Variants in TRIM5 observed in about 807,000 individuals in gnomAD.
TRIM5 encodes tripartite motif-containing protein 5.
Under a neutral mutation model 35.6 loss-of-function variants are expected in TRIM5, and 31 were observed. That is an observed-to-expected ratio of 0.87 (90% CI 0.65 to 1.18). The LOEUF is 1.18. Ranked by LOEUF, TRIM5 falls within the 50% of genes most tolerant of loss-of-function variation. The probability of loss-of-function intolerance (pLI) is 0.00; values close to 1 mark genes in which losing one functional copy is unlikely to be tolerated. For synonymous variants in TRIM5, 243 were observed against 215.6 expected (o/e 1.13, Z -1.11); for missense variants, 609 against 591.6 (o/e 1.03, Z -0.31).
At chr11:5,588,958 A>C in the TRIM5 span, 1 of 151,446 alleles carries the variant, frequency 6.6e-6, no homozygotes, top group Non-Finnish European at 1.5e-5. Flanking sequence ...TAATTTTTTT[A>C]TATTTTTAGT....
At chr11:5,660,459 C>T (rs1302735084), downstream of TRIM5, among the ~76,000 whole-genome samples, 6 of 152,080 alleles carry the variant, frequency 3.9e-5, no homozygotes, top group Non-Finnish European at 8.8e-5. Context: ...CTTTCTAGTG[C>T]CTTCAGGTTT....
the TRIM5 span, among the ~76,000 whole-genome samples, chr11:5,646,936 T>A: frequency 1.4e-3 from 211 of 152,340 alleles, 1 homozygote; most frequent in Non-Finnish European, 2.5e-3. Flanking sequence ...TAATGGATTT[T>A]AAAAAAAACA....
At chr11:5,610,385 A>C in the TRIM5 span, 130 of 1,566,764 alleles carry the variant, frequency 8.3e-5, no homozygotes, top group Non-Finnish European at 1.1e-4. Flanking sequence ...GTGCTGAAGA[A>C]GATGCGGTTT....
chr11:5,594,433 C>G, the TRIM5 span, among the ~76,000 whole-genome samples: 1 of 152,064 alleles, frequency 6.6e-6, no homozygotes, highest in East Asian at 1.9e-4. Context: ...TCTCAGCCTC[C>G]CAAGTAATTG....
At chr11:5,614,977 GAT>G in the TRIM5 span, among the ~76,000 whole-genome samples, 3 of 152,006 alleles carry the variant, frequency 2.0e-5, no homozygotes, top group Non-Finnish European at 4.4e-5. Context: ...CACAAATTTT[GAT>G]ATATTCTCCA....
the TRIM5 span, chr11:5,642,535 T>G: frequency 1.2e-6 from 2 of 1,610,378 alleles, no homozygotes; most frequent in African/African-American, 1.3e-5. Context: ...AGACTGTGGA[T>G]GTGGGATTGT....
chr11:5,669,569 T>G (rs1675659746), intron 4 of TRIM5, among the ~76,000 whole-genome samples: 2 of 152,260 alleles, frequency 1.3e-5, no homozygotes, highest in South Asian at 4.1e-4. Flanking sequence ...ATAGTTTTGC[T>G]TTTTGTATTA....
chr11:5,642,935 A>G, the TRIM5 span: 1 of 1,547,748 alleles, frequency 6.5e-7, no homozygotes, highest in South Asian at 1.2e-5. Flanking sequence ...AGCCTCATGC[A>G]TTCTCAGCAC....
chr11:5,634,492 TACACACACACACACACACACACAC>T, the TRIM5 span: 1 of 227,110 alleles, frequency 4.4e-6, no homozygotes, highest in African/African-American at 2.9e-5. Context: ...ATAATATAAA[TACACACACACACACACACACACAC>T]ACACACACAC....
the TRIM5 span, among the ~76,000 whole-genome samples, chr11:5,646,718 G>A: frequency 6.6e-6 from 1 of 152,110 alleles, no homozygotes; most frequent in East Asian, 1.9e-4. Flanking sequence ...TCACCCCACT[G>A]ATGTACTTGA....
chr11:5,672,503 AAAATATTTCTTCCCAT>A (rs1362998671), intron 4 of TRIM5, among the ~76,000 whole-genome samples: 1 of 152,162 alleles, frequency 6.6e-6, no homozygotes, highest in Non-Finnish European at 1.5e-5. Flanking sequence ...GAGCCCCTGC[AAAATATTTCTTCCCAT>A]AAATATTTCT....
the TRIM5 span, among the ~76,000 whole-genome samples, chr11:5,601,873 G>A: frequency 6.6e-6 from 1 of 152,136 alleles, no homozygotes; most frequent in African/African-American, 2.4e-5. Context: ...CCGTTAAGAA[G>A]TGGAAGTGTT....
chr11:5,628,074 G>A, the TRIM5 span, among the ~76,000 whole-genome samples: 2 of 152,216 alleles, frequency 1.3e-5, no homozygotes, highest in Admixed American at 6.5e-5. Flanking sequence ...TGCTGGGCTT[G>A]AGCCACACTG....
In TRIM5 at chr11:5,678,202, A is replaced by C. The variant is rs769807528; in HGVS notation, c.744+2T>G. On this transcript the variant is annotated splice_donor_variant, in intron 4 of 7. Coordinates refer to ENST00000380034, the MANE Select transcript of TRIM5 (RefSeq NM_033034.3). LOFTEE classifies it high-confidence loss of function. ...GTGCTCAGGCTTCTTTCCACTTTTTACCTGAAGCAGCTCCATCACTGACCC... is the reference window on the plus strand; with the variant it reads ...GTGCTCAGGCTTCTTTCCACTTTTTCCCTGAAGCAGCTCCATCACTGACCC... 3 of 1,600,456 alleles carry C rather than the reference A, an allele frequency of 1.9e-6. No homozygotes were observed. The highest frequency in any genetic ancestry group is 2.6e-6 in the Non-Finnish European group (3 of 1,171,010).
chr11:5,649,671 T>C, the TRIM5 span, among the ~76,000 whole-genome samples: 1 of 152,186 alleles, frequency 6.6e-6, no homozygotes, highest in African/African-American at 2.4e-5. Flanking sequence ...TTCTTCCTTT[T>C]GGAACTAAGA....
the TRIM5 span, among the ~76,000 whole-genome samples, chr11:5,631,275 T>C: frequency 3.9e-5 from 6 of 152,302 alleles, no homozygotes; most frequent in East Asian, 9.6e-4. Context: ...TTCTACACTC[T>C]CATAACCCTG....
chr11:5,600,994 A>C, the TRIM5 span, among the ~76,000 whole-genome samples: 1 of 152,210 alleles, frequency 6.6e-6, no homozygotes, highest in Non-Finnish European at 1.5e-5. Flanking sequence ...AACGTAATTT[A>C]TCAACAACTC....
At chr11:5,617,029 G>A in the TRIM5 span, among the ~76,000 whole-genome samples, 3 of 118,272 alleles carry the variant, frequency 2.5e-5, no homozygotes, top group Admixed American at 8.5e-5. Context: ...AAGCCACCAC[G>A]CCCAGCTTTT....
At chr11:5,677,120 A>G (rs1402687011) in intron 4 of TRIM5, among the ~76,000 whole-genome samples, 1 of 152,000 alleles carries the variant, frequency 6.6e-6, no homozygotes. Flanking sequence ...AATTAAACTA[A>G]AGAGCTTCTG....
Sources: gnomAD v4.1 joint callset for allele counts (sites outside exome capture counted in the v4.1 genomes callset) on GRCh38, gnomAD v4.1.1 for gene constraint, MANE v1.5 for transcripts, NCBI Gene and HGNC (gene_info 2026-07-23, HGNC 2026-07-21) for gene names.